The following DDX46 variants were observed in gnomAD, a reference collection of about 807,000 sequenced individuals.
DDX46 encodes the protein DEAD-box helicase 46, also known as probable ATP-dependent RNA helicase DDX46.
A neutral mutation model predicts 134.9 loss-of-function variants in DDX46; 30 were observed. That is an observed-to-expected ratio of 0.22 (90% confidence interval 0.17 to 0.30). The LOEUF is 0.30. Among genes scored for constraint, DDX46 ranks in the 10% least tolerant of loss-of-function variants. The probability of loss-of-function intolerance (pLI) is 1.00; values close to 1 mark genes in which losing one functional copy is unlikely to be tolerated. For synonymous variants in DDX46, 415 were observed against 404.1 expected (o/e 1.03, Z -0.32); for missense variants, 622 against 1,248.7 (o/e 0.50, Z 7.56).
intron 21 of DDX46, among the ~76,000 whole-genome samples, chr5:134,822,676 A>C (rs905249144): frequency 1.3e-5 from 2 of 152,030 alleles, no homozygotes; most frequent in Non-Finnish European, 2.9e-5. Flanking sequence ...TCACAGCTCA[A>C]GCAAGCCTCC....
At chr5:134,788,658 A>T (rs1706289441) in intron 12 of DDX46, 67 bp downstream of exon 12, 1 of 1,394,652 alleles carries the variant, frequency 7.2e-7, no homozygotes, top group Non-Finnish European at 1.0e-6. Flanking sequence ...GTTAAAACAG[A>T]TGCAAGAAAC....
chr5:134,773,860 T>C lies in DDX46; in HGVS notation c.612T>C (p.Asp204=). The C allele has an allele frequency of 6.3e-7, 1 of 1,596,928 alleles. No homozygotes were observed. The highest frequency in any genetic ancestry group is 2.2e-5 in the East Asian group (1 of 44,726). The change falls in exon 5 of 23, where the codon GAT becomes GAC. Residue 204 remains aspartate, a splice_region_variant and synonymous_variant. Coordinates refer to ENST00000452510, the MANE Select transcript of DDX46 (RefSeq NM_001300860.2). ...QGKKWSLEDD[D]DDEDDPAEAE... The stretch of plus-strand genomic sequence containing the variant: ...AAAAGTGGAGTTTAGAGGACGATGA[T>C]GGTATATTTTTTAGCCTAATAGCCT...
intron 18 of DDX46, among the ~76,000 whole-genome samples, chr5:134,814,139 A>T (rs1050984156): frequency 1.3e-5 from 2 of 152,148 alleles, no homozygotes; most frequent in Admixed American, 1.3e-4. Flanking sequence ...ATTACAGTAT[A>T]TTGCTATAAT....
chr5:134,794,877 C>T lies in DDX46; in HGVS notation c.1654C>T (p.Pro552Ser). The T allele has an allele frequency of 1.2e-6, 2 of 1,614,180 alleles. No homozygotes were observed. The highest frequency in any genetic ancestry group is 1.7e-6 in the Non-Finnish European group (2 of 1,180,024). The change falls in exon 14 of 23, where the codon CCT (proline) becomes TCT (serine). Residue 552 changes from proline to serine, a missense_variant. Coordinates refer to ENST00000452510, the MANE Select transcript of DDX46 (RefSeq NM_001300860.2). Reference sequence around the variant, plus strand: ...CATGCGCATCGTGGATAATGTTCGTCCTGATCGACAGACGGTTATGTTTTC... The same window carrying T: ...CATGCGCATCGTGGATAATGTTCGTTCTGATCGACAGACGGTTATGTTTTC... ...QVMRIVDNVR[P>S]DRQTVMFSAT...
In DDX46 at chr5:134,764,029, G is replaced by A. The variant is rs1411988311; in HGVS notation, c.143G>A (p.Arg48Lys). ...TCTAGAAGTAGAGATAGAGATAGGAGGAGAGAGAGGTCTCGTAGCAGGGAT... is the reference window on the plus strand; with the variant it reads ...TCTAGAAGTAGAGATAGAGATAGGAAGAGAGAGAGGTCTCGTAGCAGGGAT... ...RRSRSRDRDR[R>K]RERSRSRDKR... The change falls in exon 2 of 23, where the codon AGG (arginine) becomes AAG (lysine). Residue 48 changes from arginine (R) to lysine (K), a missense_variant. Arg to Lys is a conservative substitution (Grantham distance 26). This residue lies in a region of DDX46 where 244 missense variants were observed against 349.3 expected (regional missense o/e 0.70). Coordinates refer to ENST00000452510, the MANE Select transcript of DDX46 (RefSeq NM_001300860.2). 1 of 1,614,064 alleles carries A rather than the reference G, an allele frequency of 6.2e-7. No individual in the cohort carries two copies. Among genetic ancestry groups the A allele is most frequent in the African/African-American group, 1.3e-5 (1 of 74,936 alleles).
chr5:134,798,249 G>A (rs1034618782), intron 15 of DDX46, among the ~76,000 whole-genome samples: 1 of 151,138 alleles, frequency 6.6e-6, no homozygotes, highest in Non-Finnish European at 1.5e-5. Context: ...GGAGTGCAGT[G>A]GTGTGAATCT....
rs532827025 is a variant in DDX46 at position 134,824,301 on chromosome 5, T to G, written c.2978-2646T>G. ...AAATCTTAAGAATAATCTAGAAATA[T>G]AATGATAATGGCCGGGCGCGGTGGC... On this transcript the variant is annotated intron_variant, in intron 21 of 22. Coordinates refer to ENST00000452510, the MANE Select transcript of DDX46 (RefSeq NM_001300860.2). 1.6e-4 allele frequency among the ~76,000 whole-genome samples: 24 copies of G among 152,196 alleles called. 1 individual carries two copies. The South Asian group carries it at 4.8e-3, about 30-fold the overall frequency.
At chr5:134,771,020 A>G in intron 4 of DDX46, 21 bp downstream of exon 4, 1 of 982,576 alleles carries the variant, frequency 1.0e-6, no homozygotes, top group Non-Finnish European at 1.6e-6. Context: ...TAACTTAAAA[A>G]TAATTTTCTT....
At chr5:134,781,525 T>C (rs950676539) in intron 7 of DDX46, among the ~76,000 whole-genome samples, 6 of 152,188 alleles carry the variant, frequency 3.9e-5, no homozygotes, top group African/African-American at 1.2e-4. Context: ...ACAGAATGAA[T>C]TAATTTTCTT....
Position 134,826,937 on chromosome 5 carries a change from C to T in DDX46, c.2978-10C>T, listed in dbSNP as rs200535381. ...TAATTTGAATAATATGCTTTCCACT[C>T]AATCACTAGGTGCCAATGAACTGGC... On this transcript the variant is annotated splice_polypyrimidine_tract_variant and intron_variant, in intron 21 of 22. Coordinates refer to ENST00000452510, the MANE Select transcript of DDX46 (RefSeq NM_001300860.2). The T allele has an allele frequency of 1.5e-4, 247 of 1,611,176 alleles. 1 individual carries two copies. In the East Asian group the frequency reaches 5.2e-3, roughly 34 times the overall value.
At chr5:134,791,979 C>G (rs1451286425) in intron 13 of DDX46, among the ~76,000 whole-genome samples, 1 of 152,074 alleles carries the variant, frequency 6.6e-6, no homozygotes, top group Non-Finnish European at 1.5e-5. Flanking sequence ...GGAGATCAGC[C>G]TAGCCTGGCC....
chr5:134,766,738 ATAAAT>A (rs1392057411), intron 2 of DDX46, among the ~76,000 whole-genome samples, 174 bp from the exon 3 acceptor site: 3 of 152,088 alleles, frequency 2.0e-5, no homozygotes, highest in Non-Finnish European at 2.9e-5. Flanking sequence ...AATGAAAGAA[ATAAAT>A]TAGTATTCTC....
At chr5:134,813,896 A>T (rs924809938) in intron 18 of DDX46, among the ~76,000 whole-genome samples, 1 of 151,980 alleles carries the variant, frequency 6.6e-6, no homozygotes, top group South Asian at 2.1e-4. Context: ...AAGTGATGGT[A>T]TTACAAACAT....
intron 21 of DDX46, among the ~76,000 whole-genome samples, chr5:134,824,610 T>C (rs1477719857): frequency 6.6e-6 from 1 of 152,182 alleles, no homozygotes; most frequent in Non-Finnish European, 1.5e-5. Context: ...AAAAGAAATA[T>C]AATGATATTG....
intron 9 of DDX46, 51 bp from the exon 10 acceptor site, chr5:134,784,315 G>T (rs771509223): frequency 6.5e-7 from 1 of 1,548,442 alleles, no homozygotes; most frequent in Non-Finnish European, 8.7e-7. Context: ...ACCTGTCTGG[G>T]GCCCAGCAAT....
intron 20 of DDX46, among the ~76,000 whole-genome samples, 173 bp from the exon 21 acceptor site, chr5:134,818,687 A>G (rs569967020): frequency 6.6e-6 from 1 of 151,164 alleles, no homozygotes; most frequent in African/African-American, 2.4e-5. Flanking sequence ...GGGCAAAAAG[A>G]GCGAAAACTC....
In DDX46 at chr5:134,816,556, T is replaced by C. The variant is rs774180533; in HGVS notation, c.2563T>C (p.Leu855=). 1.1e-5 allele frequency: 18 copies of C among 1,613,778 alleles called. No individual in the cohort carries two copies. Among genetic ancestry groups the C allele is most frequent in the Admixed American group, 1.0e-4 (6 of 59,980 alleles). The change falls in exon 19 of 23, where the codon TTG becomes CTG. Residue 855 remains leucine, a synonymous_variant. Transcript: ENST00000452510. ...TGAGAAATTAGAAATTGCTAAGAGATTGGCTCTTAGAATCAATGCCCAGAA... is the reference window on the plus strand; with the variant it reads ...TGAGAAATTAGAAATTGCTAAGAGACTGGCTCTTAGAATCAATGCCCAGAA... ...NAEKLEIAKR[L]ALRINAQKNL...
intron 4 of DDX46, among the ~76,000 whole-genome samples, chr5:134,771,364 A>G (rs1214066840): frequency 2.1e-5 from 3 of 143,058 alleles, no homozygotes; most frequent in Admixed American, 6.8e-5. Flanking sequence ...AAGTGCTGAG[A>G]TTACAGGTGT....
At chr5:134,823,529 G>A (rs1383408636) in intron 21 of DDX46, among the ~76,000 whole-genome samples, 1 of 152,196 alleles carries the variant, frequency 6.6e-6, no homozygotes, top group African/African-American at 2.4e-5. Context: ...TACAAAGGAT[G>A]TGTGGCCAGA....
Sources: gnomAD v4.1 joint callset for allele counts (sites outside exome capture counted in the v4.1 genomes callset) on GRCh38, gnomAD v4.1.1 for gene constraint, gnomAD v4.1.1 regional missense constraint, MANE v1.5 for transcripts, NCBI Gene and HGNC (gene_info 2026-07-23, HGNC 2026-07-21) for gene names.